WDPCP: variants seen among roughly 807,000 people sequenced by gnomAD.
WDPCP encodes WD repeat containing planar cell polarity effector, also known as WD repeat-containing and planar cell polarity effector protein fritz homolog.
Under a neutral mutation model 93.1 loss-of-function variants are expected in WDPCP, and 71 were observed. The ratio of observed to expected loss-of-function variants is 0.76; its 90% CI spans 0.63 to 0.93. WDPCP has a LOEUF of 0.93. WDPCP is among the 40% of genes least tolerant of loss of function. The pLI, the probability that WDPCP is intolerant of heterozygous loss-of-function variation, is 0.00. For missense variants in WDPCP, 844 were observed against 887.4 expected (o/e 0.95, Z 0.62); for synonymous variants, 315 against 315.0 (o/e 1.00, Z 0.00).
chr2:63,411,678 A>G (rs1039582395), intron 9 of WDPCP, among the ~76,000 whole-genome samples: 1 of 152,148 alleles, frequency 6.6e-6, no homozygotes, highest in African/African-American at 2.4e-5. Context: ...TAACCTCACT[A>G]ATAAACGAAA....
intron 2 of WDPCP, chr2:63,717,591 G>A (rs1218716845): frequency 1.3e-5 from 7 of 525,598 alleles, no homozygotes; most frequent in Non-Finnish European, 1.9e-5. Flanking sequence ...ATACCTGTCA[G>A]TGAGAGTTTG....
At chr2:63,274,755 GAAGA>G (rs774428174) in intron 13 of WDPCP, among the ~76,000 whole-genome samples, 1 of 152,038 alleles carries the variant, frequency 6.6e-6, no homozygotes, top group Non-Finnish European at 1.5e-5. Flanking sequence ...ATTATACCAG[GAAGA>G]AATAGAAAAC....
At position 63,775,991 on chromosome 2, in the gene WDPCP, G is replaced by C. The variant is rs973042371; in HGVS notation, n.308+37631C>G. ...GGATGGGAGAACTGCTTGAGCCCAA[G>C]AGTTTGAGGCTGCAGTGAGCTATGA... On this transcript the variant is annotated intron_variant and non_coding_transcript_variant, in intron 2 of 4. Coordinates refer to the WDPCP transcript ENST00000467687. Among the ~76,000 whole-genome samples, 107 of 152,160 alleles carry C rather than the reference G, an allele frequency of 7.0e-4. 1 individual carries two copies. Among genetic ancestry groups the C allele is most frequent in the African/African-American group, 2.4e-3 (99 of 41,524 alleles).
At chr2:63,752,455 G>A in intron 2 of WDPCP, 1 of 778,706 alleles carries the variant, frequency 1.3e-6, no homozygotes, top group East Asian at 2.5e-5. Context: ...TAGTGGCATA[G>A]GTGACAAACC....
At chr2:63,422,147 C>T (rs1695912766) in intron 9 of WDPCP, among the ~76,000 whole-genome samples, 2 of 152,080 alleles carry the variant, frequency 1.3e-5, no homozygotes, top group African/African-American at 4.8e-5. Flanking sequence ...AAAAGGAAAC[C>T]ACAGTGTCTT....
At chr2:63,636,781 C>T (rs1394644525) in intron 3 of WDPCP, among the ~76,000 whole-genome samples, 4 of 152,104 alleles carry the variant, frequency 2.6e-5, no homozygotes, top group Non-Finnish European at 5.9e-5. Context: ...CATGTACAGT[C>T]GACCAGTCTT....
At chr2:63,366,801 G>T (rs1690946759) in intron 12 of WDPCP, among the ~76,000 whole-genome samples, 1 of 152,050 alleles carries the variant, frequency 6.6e-6, no homozygotes, top group South Asian at 2.1e-4. Flanking sequence ...TAGTATGAAG[G>T]TGAAAGGTGT....
At chr2:63,824,001 C>T (rs1171008412) in intron 1 of WDPCP, among the ~76,000 whole-genome samples, 1 of 151,910 alleles carries the variant, frequency 6.6e-6, no homozygotes, top group Non-Finnish European at 1.5e-5. Context: ...TAGGGAGACC[C>T]CTGTTGATAT....
intron 13 of WDPCP, among the ~76,000 whole-genome samples, chr2:63,282,244 C>T (rs150838610): frequency 0.015 from 2,279 of 152,272 alleles, 63 homozygotes; most frequent in African/African-American, 0.052. Flanking sequence ...CAGTGGCTCA[C>T]GCCTGTAATC....
chr2:63,210,385 T>TTACACCAAATTTTAATTTTAA (rs1195834744), intron 14 of WDPCP, among the ~76,000 whole-genome samples: 50 of 152,208 alleles, frequency 3.3e-4, no homozygotes, highest in African/African-American at 1.2e-3. Flanking sequence ...GTGTAATTAA[T>TTACACCAAATTTTAATTTTAA]TTACACAAAT....
At chr2:63,626,669 G>A (rs189923091) in intron 3 of WDPCP, among the ~76,000 whole-genome samples, 1 of 152,258 alleles carries the variant, frequency 6.6e-6, no homozygotes, top group African/African-American at 2.4e-5. Context: ...CAAAATGTCA[G>A]GAAACAACAG....
rs563554007 is a variant in WDPCP, at chr2:63,152,943, C to T, written c.2161G>A (p.Gly721Arg). 53 of 1,612,284 alleles carry T rather than the reference C, an allele frequency of 3.3e-5. No individual in the cohort carries two copies. The highest frequency in any genetic ancestry group is 1.6e-4 in the Middle Eastern group (1 of 6,064). Reference protein sequence around the residue: ...LMTNTCNAEDGELREDGREQE... With the variant: ...LMTNTCNAEDRELREDGREQE... The stretch of plus-strand genomic sequence containing the variant: ...TCTCTGCCGTCTTCTCTCAGTTCTC[C>T]GTCTAAAGTAAAAGATTAAAACATT... The change falls in exon 17 of 18, where the codon GGA becomes AGA. Residue 721 changes from glycine (G) to arginine (R), a missense_variant and splice_region_variant. Physicochemically the swap from Gly to Arg is moderately radical, Grantham distance 125. Coordinates refer to ENST00000272321, the MANE Select transcript of WDPCP (RefSeq NM_015910.7).
chr2:63,197,702 A>C (rs953811475), intron 14 of WDPCP, among the ~76,000 whole-genome samples: 4 of 152,156 alleles, frequency 2.6e-5, no homozygotes, highest in African/African-American at 9.7e-5. Context: ...TTTAGCTCCC[A>C]CTTATAAGTG....
intron 1 of WDPCP, among the ~76,000 whole-genome samples, chr2:63,822,142 GT>G (rs557379317): frequency 7.6e-4 from 115 of 152,104 alleles, no homozygotes; most frequent in Non-Finnish European, 1.4e-3. Flanking sequence ...TTTTATCTCT[GT>G]TTTTAAAATT....
At chr2:63,743,053 T>C (rs1669746413) in intron 2 of WDPCP, among the ~76,000 whole-genome samples, 1 of 152,068 alleles carries the variant, frequency 6.6e-6, no homozygotes, top group African/African-American at 2.4e-5. Flanking sequence ...ATATTGTTTG[T>C]ATTTTCATGT....
chr2:63,237,744 A>G (rs1829526), intron 14 of WDPCP, among the ~76,000 whole-genome samples: 24,155 of 152,148 alleles, frequency 0.16, 2,590 homozygotes, highest in Non-Finnish European at 0.21. Context: ...GAAATATTCT[A>G]TGTTCTCTTA....
At chr2:63,378,161 A>G (rs1457380556) in intron 12 of WDPCP, 1 of 552,050 alleles carries the variant, frequency 1.8e-6, no homozygotes, top group Admixed American at 3.1e-5. Context: ...AGAGGAAGGT[A>G]TATTAAAAAG....
chr2:63,142,297 C>T lies in WDPCP; in HGVS notation c.2190+10617G>A, dbSNP rs188031089. On this transcript the variant is annotated intron_variant, in intron 17 of 17. Transcript: ENST00000272321. ...GGGCTATGAACTTTCATCTTAGCAC[C>T]GCCTTTGCTGTATCCCAGAGGTTTT... Among the ~76,000 whole-genome samples, 591 of 152,204 alleles carry T rather than the reference C, an allele frequency of 3.9e-3. 1 individual carries two copies. The highest frequency in any genetic ancestry group is 5.8e-3 in the Admixed American group (89 of 15,292).
intron 2 of WDPCP, among the ~76,000 whole-genome samples, chr2:63,659,358 G>A (rs1710202123): frequency 6.6e-6 from 1 of 152,124 alleles, no homozygotes; most frequent in Non-Finnish European, 1.5e-5. Context: ...TACCTTATTC[G>A]GAAAAGAGGA....
Sources: allele counts gnomAD v4.1 joint callset (sites outside exome capture counted in the v4.1 genomes callset), GRCh38; gene constraint gnomAD v4.1.1; transcripts MANE v1.5; gene names NCBI Gene and HGNC (gene_info 2026-07-23, HGNC 2026-07-21).